The following RNF180 variants were observed in gnomAD, a reference collection of about 807,000 sequenced individuals.
The protein encoded by RNF180 is ring finger protein 180.
In RNF180, 38 loss-of-function variants were observed where a neutral mutation model predicts 59.2. The ratio of observed to expected loss-of-function variants is 0.64; its 90% confidence interval spans 0.50 to 0.84. The LOEUF (loss-of-function observed/expected upper bound fraction) is 0.84, where lower values mean the gene tolerates loss of function less well. Among genes scored for constraint, RNF180 ranks in the 40% least tolerant of loss-of-function variants. The pLI is 0.00. For missense variants in RNF180, 705 were observed against 700.9 expected (o/e 1.01, Z -0.07); for synonymous variants, 262 against 240.3 (o/e 1.09, Z -0.84).
chr5:64,346,933 CTTGT>C (rs1403450311), intron 7 of RNF180, among the ~76,000 whole-genome samples: 2 of 152,114 alleles, frequency 1.3e-5, no homozygotes, highest in Non-Finnish European at 2.9e-5. Flanking sequence ...TATTCTCTGA[CTTGT>C]TTATTTTCTG....
At chr5:64,313,985 A>G (rs553316330) in intron 5 of RNF180, among the ~76,000 whole-genome samples, 8 of 152,148 alleles carry the variant, frequency 5.3e-5, no homozygotes, top group African/African-American at 1.7e-4. Flanking sequence ...GTCCTTTGCT[A>G]ACTTTTTAAT....
intron 5 of RNF180, among the ~76,000 whole-genome samples, chr5:64,271,217 G>C (rs1485626003): frequency 6.6e-6 from 1 of 151,964 alleles, no homozygotes; most frequent in Admixed American, 6.6e-5. Flanking sequence ...AAATCACAAA[G>C]TGTACATTGT....
chr5:64,277,378 G>T (rs951929537), intron 5 of RNF180, among the ~76,000 whole-genome samples: 1 of 152,074 alleles, frequency 6.6e-6, no homozygotes, highest in Non-Finnish European at 1.5e-5. Context: ...ATCAATATAT[G>T]CTGACTTATA....
rs562770183 is a variant in RNF180 at position 64,277,757 on chromosome 5, C to T, written c.1228-47429C>T. The stretch of plus-strand genomic sequence containing the variant: ...GGAAATACCAGGGACAAATCATGTT[C>T]GAGGAAGGGAAAAGGAATAGTGTCA... On this transcript the variant is annotated intron_variant, in intron 5 of 7. Coordinates refer to ENST00000389100, the MANE Select transcript of RNF180 (RefSeq NM_001113561.2). 1.5e-3 allele frequency among the ~76,000 whole-genome samples: 227 copies of T among 152,154 alleles called. 1 individual carries two copies. The highest frequency in any genetic ancestry group is 4.9e-3 in the African/African-American group (202 of 41,530).
intron 7 of RNF180, among the ~76,000 whole-genome samples, chr5:64,340,602 T>C (rs1191820292): frequency 6.6e-6 from 1 of 152,212 alleles, no homozygotes. Context: ...ATTTAAAATA[T>C]GCTGTAGACA....
chr5:64,365,128 T>C (rs565282058), intron 7 of RNF180, among the ~76,000 whole-genome samples: 1 of 151,874 alleles, frequency 6.6e-6, no homozygotes, highest in African/African-American at 2.4e-5. Flanking sequence ...CTTGCTTCTC[T>C]AGTTGTAATG....
intron 5 of RNF180, among the ~76,000 whole-genome samples, chr5:64,221,271 C>A (rs1275165438): frequency 6.6e-6 from 1 of 151,914 alleles, no homozygotes; most frequent in Non-Finnish European, 1.5e-5. Flanking sequence ...TGAAAAGCTT[C>A]AGTAATGGAA....
rs1346581373 is a variant in RNF180, at chr5:64,337,097, C to T, written c.1579+6691C>T. 5.3e-5 allele frequency among the ~76,000 whole-genome samples: 8 copies of T among 151,792 alleles called. No homozygotes were observed. The East Asian group carries it at 1.5e-3, about 29-fold the overall frequency. On this transcript the variant is annotated intron_variant, in intron 7 of 7. Transcript: ENST00000389100. ...GGAGTGCAGTGGTATGATCGGCAGC[C>T]TCAACCTTCCAATTCAGGCAATTCT...
intron 7 of RNF180, among the ~76,000 whole-genome samples, chr5:64,341,075 T>C (rs1580280335): frequency 6.6e-6 from 1 of 152,318 alleles, no homozygotes; most frequent in Middle Eastern, 3.4e-3. Flanking sequence ...TGGTGGGATA[T>C]GATGCCTTCA....
intron 5 of RNF180, among the ~76,000 whole-genome samples, chr5:64,231,539 C>G (rs774443897): frequency 2.0e-5 from 3 of 152,230 alleles, no homozygotes; most frequent in Non-Finnish European, 2.9e-5. Context: ...GAGTTGTGCT[C>G]TCTTTCGGTT....
intron 7 of RNF180, among the ~76,000 whole-genome samples, chr5:64,331,883 A>G (rs760622913): frequency 1.3e-5 from 2 of 152,028 alleles, no homozygotes; most frequent in Admixed American, 6.6e-5. Flanking sequence ...GGAGTCTCCA[A>G]GCTTCCAGGC....
At chr5:64,292,249 G>A (rs991148052) in intron 5 of RNF180, among the ~76,000 whole-genome samples, 1 of 152,122 alleles carries the variant, frequency 6.6e-6, no homozygotes, top group Non-Finnish European at 1.5e-5. Context: ...CATTGATTCT[G>A]TCTTATTTTT....
chr5:64,359,840 A>G (rs945876535), intron 7 of RNF180, among the ~76,000 whole-genome samples: 10 of 152,088 alleles, frequency 6.6e-5, no homozygotes, highest in Non-Finnish European at 1.3e-4. Flanking sequence ...ATCCAGTTTC[A>G]GCTTTCTACA....
chr5:64,235,721 G>C (rs568316814), intron 5 of RNF180, among the ~76,000 whole-genome samples: 1 of 152,262 alleles, frequency 6.6e-6, no homozygotes, highest in African/African-American at 2.4e-5. Flanking sequence ...GAGGTGATTG[G>C]ATAATGGGAG....
At chr5:64,346,352 T>G (rs1745554130) in intron 7 of RNF180, among the ~76,000 whole-genome samples, 1 of 147,354 alleles carries the variant, frequency 6.8e-6, no homozygotes, top group South Asian at 2.1e-4. Flanking sequence ...TCTTTTTTTC[T>G]TTTCTTCTTT....
At position 64,369,621 on chromosome 5, in the gene RNF180, G is replaced by T. The variant is rs76090587; in HGVS notation, c.1586G>T (p.Arg529Leu). Residue 529 changes from arginine (R) to leucine (L), a missense_variant, in exon 8 of 8, where the codon CGC (arginine) becomes CTC (leucine). Arg to Leu is a moderately radical substitution (Grantham distance 102). Coordinates refer to ENST00000389100, the MANE Select transcript of RNF180 (RefSeq NM_001113561.2). ...RKAFHLFGGF[R>L]RHAAPVTRRQ... Reference sequence around the variant, plus strand: ...ATGTTCATACATCTTCTAGGTTTCCGCAGACATGCAGCTCCAGTTACAAGA... The same window carrying T: ...ATGTTCATACATCTTCTAGGTTTCCTCAGACATGCAGCTCCAGTTACAAGA... 6.6e-7 allele frequency: 1 copy of T among 1,507,738 alleles called. No individual in the cohort carries two copies. The highest frequency in any genetic ancestry group is 8.8e-7 in the Non-Finnish European group (1 of 1,130,546). 93.4% of individuals were successfully genotyped at this position (1,507,738 alleles called of 1,614,324 possible).
At chr5:64,253,870 G>A (rs1414912366) in intron 5 of RNF180, among the ~76,000 whole-genome samples, 2 of 152,100 alleles carry the variant, frequency 1.3e-5, no homozygotes, top group Non-Finnish European at 2.9e-5. Flanking sequence ...AAGAGATCAA[G>A]CAGCTTAGGA....
chr5:64,194,419 G>C (rs1314899777), intron 1 of RNF180, among the ~76,000 whole-genome samples: 1 of 152,158 alleles, frequency 6.6e-6, no homozygotes, highest in Non-Finnish European at 1.5e-5. Flanking sequence ...GGACATTTGG[G>C]TTGGTTCCAA....
intron 4 of RNF180, 123 bp downstream of exon 4, chr5:64,214,640 TTCTC>T (rs1465831456): frequency 3.2e-4 from 262 of 811,994 alleles, no homozygotes; most frequent in Middle Eastern, 1.5e-3. Context: ...GAAATGCTAT[TTCTC>T]TCTGAGTGCA....
Sources: allele counts gnomAD v4.1 joint callset (sites outside exome capture counted in the v4.1 genomes callset), GRCh38; gene constraint gnomAD v4.1.1; transcripts MANE v1.5; gene names NCBI Gene and HGNC (gene_info 2026-07-23, HGNC 2026-07-21).